Variants in SYT2 observed in about 807,000 individuals in gnomAD.
The protein encoded by SYT2 is synaptotagmin 2.
SYT2 carries 15 observed loss-of-function variants against 39.9 expected under a neutral mutation model. That is an observed-to-expected ratio of 0.38 (90% CI 0.25 to 0.58). The LOEUF (loss-of-function observed/expected upper bound fraction) is 0.58. Ranked by LOEUF, SYT2 falls within the 20% of genes least tolerant of loss-of-function variation. SYT2 has a pLI of 0.70. For missense variants in SYT2, 389 were observed against 530.3 expected (o/e 0.73, Z 2.62); for synonymous variants, 181 against 204.5 (o/e 0.89, Z 0.98).
At chr1:202,609,449 C>T (rs980326924) in intron 1 of SYT2, among the ~76,000 whole-genome samples, 62 of 152,144 alleles carry the variant, frequency 4.1e-4, no homozygotes, top group Non-Finnish European at 7.8e-4. Context: ...TAGTTCTAGA[C>T]CCCTGAGGAA....
chr1:202,676,635 A>G (rs762638693), intron 1 of SYT2, among the ~76,000 whole-genome samples: 3 of 152,210 alleles, frequency 2.0e-5, no homozygotes, highest in Non-Finnish European at 4.4e-5. Flanking sequence ...TTTGGCTTCA[A>G]TAATAGAAGG....
rs1231080834 is a variant in SYT2, at chr1:202,614,975, G to C, written c.-17-9186C>G. 6.6e-6 allele frequency among the ~76,000 whole-genome samples: 1 copy of C among 152,230 alleles called. No homozygotes were observed. The highest frequency in any genetic ancestry group is 6.5e-5 in the Admixed American group (1 of 15,280). Reference sequence around the variant, plus strand: ...GGGGGCAGGGGTAACATGTACAAATGTATATTTTAAAAGTTTCGCTTTGGC... The same window carrying C: ...GGGGGCAGGGGTAACATGTACAAATCTATATTTTAAAAGTTTCGCTTTGGC... On this transcript the variant is annotated intron_variant, in intron 1 of 8. Transcript: ENST00000367268. This position sits in a 1 kb window ranked among gnomAD's most constrained non-coding sequence, Gnocchi z 4.0.
At chr1:202,651,902 A>T (rs1307847605) in intron 1 of SYT2, among the ~76,000 whole-genome samples, 3 of 152,208 alleles carry the variant, frequency 2.0e-5, no homozygotes, top group Non-Finnish European at 4.4e-5. Flanking sequence ...TACTAAAAAT[A>T]CAAAAATTAG....
intron 1 of SYT2, among the ~76,000 whole-genome samples, chr1:202,618,400 AGTGTGTGT>A (rs57621822): frequency 9.8e-4 from 146 of 148,838 alleles, no homozygotes; most frequent in Non-Finnish European, 1.6e-3. Context: ...GTCTGGTGTG[AGTGTGTGT>A]GTGTGTGTGT....
Position 202,605,612 on chromosome 1 carries a change from T to A in SYT2, c.161A>T (p.Glu54Val). The part of the protein sequence containing the change: ...FAKLKEKLFN[E>V]INKIPLPPWA... ...ACACTCACAGGGAATCTTGTTTATCTCATTGAATAACTTCTCCTTCAGTTT... is the reference window on the plus strand; with the variant it reads ...ACACTCACAGGGAATCTTGTTTATCACATTGAATAACTTCTCCTTCAGTTT... The change falls in exon 2 of 9, where the codon GAG (glutamate) becomes GTG (valine). Residue 54 changes from glutamate to valine, a missense_variant. By Grantham distance (121) the Glu-to-Val change is moderately radical. This residue lies in a region of SYT2 where 280 missense variants were observed against 335.6 expected (regional missense o/e 0.83). Transcript: ENST00000367268. 1 of 1,613,876 alleles carries A rather than the reference T, an allele frequency of 6.2e-7. No homozygotes were observed. The highest frequency in any genetic ancestry group is 1.3e-5 in the African/African-American group (1 of 75,028).
intron 8 of SYT2, among the ~76,000 whole-genome samples, chr1:202,598,529 G>C (rs1690379979): frequency 6.6e-6 from 1 of 152,086 alleles, no homozygotes; most frequent in Non-Finnish European, 1.5e-5. Context: ...CCTGCGGGGA[G>C]GAGAGGGGGT....
intron 1 of SYT2, among the ~76,000 whole-genome samples, chr1:202,650,323 C>A (rs1301004046): frequency 6.6e-6 from 1 of 152,230 alleles, no homozygotes; most frequent in Non-Finnish European, 1.5e-5. Flanking sequence ...CACGCAGTGA[C>A]ACTTCCATTG....
At chr1:202,603,980 G>A (rs990099109) in intron 3 of SYT2, among the ~76,000 whole-genome samples, 1 of 152,160 alleles carries the variant, frequency 6.6e-6, no homozygotes, top group Admixed American at 6.5e-5. Context: ...AAAGACAGGG[G>A]AAAATAAATT....
chr1:202,631,933 G>A (rs915450193), intron 1 of SYT2: 5 of 698,390 alleles, frequency 7.2e-6, no homozygotes, highest in South Asian at 6.4e-5. Context: ...CCCAGCCCTT[G>A]CTGCTGATTG....
At chr1:202,705,707 T>G (rs1479993729) in intron 1 of SYT2, among the ~76,000 whole-genome samples, 5 of 149,508 alleles carry the variant, frequency 3.3e-5, no homozygotes, top group Admixed American at 2.0e-4. Context: ...CTGCTCATCT[T>G]GGATTTTGGG....
Position 202,595,151 on chromosome 1 carries a change from G to C in SYT2, c.*1606C>G, listed in dbSNP as rs903215823. The C allele has an allele frequency of 6.6e-6, 1 of 152,396 alleles. No homozygotes were observed. The highest frequency in any genetic ancestry group is 1.5e-5 in the Non-Finnish European group (1 of 68,162). The allele number at this position is 152,396 out of a possible 1,614,324, so 9.4% of individuals were successfully genotyped here. A position where few individuals can be genotyped will look rare whatever the true frequency, so the allele number is the denominator to read the frequency against. On this transcript the variant is annotated 3_prime_UTR_variant, in exon 9 of 9. Transcript: ENST00000367268. The stretch of plus-strand genomic sequence containing the variant: ...GAGGTCAAAGGAAGGCAGGCAAGGA[G>C]GGCTGGCCTCTGGCCACAAGGGGAC...
chr1:202,617,379 C>A (rs1046733438), intron 1 of SYT2, among the ~76,000 whole-genome samples: 2 of 152,008 alleles, frequency 1.3e-5, no homozygotes, highest in African/African-American at 4.8e-5. Context: ...CCCCAACCCC[C>A]ACTCCCTCGC....
chr1:202,625,671 C>A (rs982233108), intron 1 of SYT2, among the ~76,000 whole-genome samples: 5 of 152,114 alleles, frequency 3.3e-5, no homozygotes, highest in African/African-American at 1.2e-4. Context: ...AGGCCCACGC[C>A]CTCCGCACAC....
At chr1:202,683,628 C>A (rs559668503) in intron 1 of SYT2, among the ~76,000 whole-genome samples, 35 of 151,614 alleles carry the variant, frequency 2.3e-4, no homozygotes, top group Non-Finnish European at 4.6e-4. Flanking sequence ...GTGGTCCCAG[C>A]TACTTGGGAG....
intron 1 of SYT2, among the ~76,000 whole-genome samples, chr1:202,687,852 T>C (rs544778907): frequency 2.4e-4 from 36 of 152,242 alleles, no homozygotes; most frequent in African/African-American, 8.2e-4. Context: ...CCACCCTTTT[T>C]CTCCTCCTGT....
chr1:202,622,651 C>T (rs1020400848), intron 1 of SYT2, among the ~76,000 whole-genome samples: 5 of 152,174 alleles, frequency 3.3e-5, no homozygotes, highest in African/African-American at 9.7e-5. Flanking sequence ...AGCCTCCCTG[C>T]GCTTGTGCAG....
intron 1 of SYT2, among the ~76,000 whole-genome samples, chr1:202,675,973 T>G (rs1359972054): frequency 6.6e-6 from 1 of 152,218 alleles, no homozygotes; most frequent in Non-Finnish European, 1.5e-5. Context: ...ATGTCTATTT[T>G]ACAGATGAGG....
At chr1:202,657,339 TGG>T (rs1558451177) in intron 1 of SYT2, among the ~76,000 whole-genome samples, 1 of 152,196 alleles carries the variant, frequency 6.6e-6, no homozygotes, top group Non-Finnish European at 1.5e-5. Context: ...AGACCCAAAG[TGG>T]GCCTCTTTCT....
In SYT2 at chr1:202,596,769, G is replaced by A. The variant is rs1424331264; in HGVS notation, c.1248C>T (p.Gly416=). The A allele has an allele frequency of 6.2e-7, 1 of 1,613,772 alleles. No homozygotes were observed. ...KPEEEVDALL[G]KNK is the part of the protein sequence containing the mutation. ...CAGCCGCTGCTGTCTACTTGTTCTTGCCCAGGAGTGCATCCACCTCCTCCT... is the reference window on the plus strand; with the variant it reads ...CAGCCGCTGCTGTCTACTTGTTCTTACCCAGGAGTGCATCCACCTCCTCCT... Residue 416 remains glycine, a synonymous_variant, in exon 9 of 9, where the codon GGC becomes GGT. Coordinates refer to ENST00000367268, the MANE Select transcript of SYT2 (RefSeq NM_177402.5).
Sources: gnomAD v4.1 joint callset for allele counts (sites outside exome capture counted in the v4.1 genomes callset) on GRCh38, gnomAD v4.1.1 for gene constraint, gnomAD v4.1.1 regional missense constraint, Gnocchi (gnomAD v3.1) non-coding constraint, MANE v1.5 for transcripts, NCBI Gene and HGNC (gene_info 2026-07-23, HGNC 2026-07-21) for gene names.